Variants in EPB41L4A observed in about 807,000 individuals in gnomAD.
EPB41L4A encodes band 4.1-like protein 4A.
A neutral mutation model predicts 108.6 loss-of-function variants in EPB41L4A; 100 were observed. The ratio of observed to expected loss-of-function variants is 0.92; its 90% CI spans 0.78 to 1.09. The LOEUF is 1.09. EPB41L4A is among the 50% of genes least tolerant of loss of function. EPB41L4A has a pLI of 0.00. For synonymous variants in EPB41L4A, 319 were observed against 289.0 expected, an observed-to-expected ratio of 1.10 and a Z score of -1.05; for missense variants, 1,030 against 842.7, an observed-to-expected ratio of 1.22 and a Z score of -2.75.
intron 1 of EPB41L4A, among the ~76,000 whole-genome samples, chr5:112,395,869 G>A (rs1353990788): frequency 6.6e-6 from 1 of 152,146 alleles, no homozygotes; most frequent in African/African-American, 2.4e-5. Flanking sequence ...TGATAGACTG[G>A]ATTAAGAAAA....
chr5:112,314,839 T>C (rs551007798), intron 1 of EPB41L4A, among the ~76,000 whole-genome samples: 1 of 152,136 alleles, frequency 6.6e-6, no homozygotes, highest in South Asian at 2.1e-4. Flanking sequence ...GCCATTCCAG[T>C]TTTCTTCTGA....
At chr5:112,142,669 T>C (rs553817902) in exon 14 of EPB41L4A, 1 of 152,324 alleles carries the variant, frequency 6.6e-6, no homozygotes, top group Admixed American at 6.5e-5. Flanking sequence ...GAAAGAAGTG[T>C]TGAAAGAGAA....
intron 1 of EPB41L4A, among the ~76,000 whole-genome samples, chr5:112,367,137 G>A (rs1759170670): frequency 6.6e-6 from 1 of 152,174 alleles, no homozygotes; most frequent in South Asian, 2.1e-4. Flanking sequence ...GAACTAGAGA[G>A]AGGCTCCTCT....
At chr5:112,382,757 G>C (rs114263934) in intron 1 of EPB41L4A, among the ~76,000 whole-genome samples, 1 of 152,114 alleles carries the variant, frequency 6.6e-6, no homozygotes, top group Non-Finnish European at 1.5e-5. Context: ...ACAGTATATA[G>C]GTAGCAGGTG....
intron 1 of EPB41L4A, among the ~76,000 whole-genome samples, 154 bp from the exon 2 acceptor site, chr5:112,307,644 G>GA (rs1293327691): frequency 6.6e-6 from 1 of 151,902 alleles, no homozygotes; most frequent in Non-Finnish European, 1.5e-5. Context: ...CAATTATGAA[G>GA]AAAAAAACGT....
At chr5:112,153,579 A>C (rs1759548617) in intron 12 of EPB41L4A, among the ~76,000 whole-genome samples, 1 of 145,150 alleles carries the variant, frequency 6.9e-6, no homozygotes, top group Non-Finnish European at 1.5e-5. Context: ...ATATATATAG[A>C]GAGAGAGAGA....
upstream of EPB41L4A, chr5:112,419,392 G>A (rs890162182): frequency 2.8e-6 from 1 of 357,374 alleles, no homozygotes. Flanking sequence ...CCTGGCACTG[G>A]GGGCAAGAGA....
chr5:112,294,332 A>G (rs1753855260), intron 2 of EPB41L4A, among the ~76,000 whole-genome samples: 1 of 152,240 alleles, frequency 6.6e-6, no homozygotes, highest in Non-Finnish European at 1.5e-5. Context: ...CTCGCCTCCC[A>G]GTGAGCGGCC....
At chr5:112,207,924 A>G (rs1404440415) in intron 13 of EPB41L4A, among the ~76,000 whole-genome samples, 1 of 152,200 alleles carries the variant, frequency 6.6e-6, no homozygotes. Context: ...TACTGGATAT[A>G]TACTCAAAGG....
chr5:112,179,417 GA>G (rs1426947388), intron 18 of EPB41L4A, among the ~76,000 whole-genome samples: 1 of 151,806 alleles, frequency 6.6e-6, no homozygotes. Context: ...CAAAAACAAA[GA>G]AAAAAATCTT....
chr5:112,279,173 G>T (rs1314757341), intron 3 of EPB41L4A, among the ~76,000 whole-genome samples: 1 of 151,784 alleles, frequency 6.6e-6, no homozygotes, highest in East Asian at 1.9e-4. Flanking sequence ...AACTCCAGTG[G>T]TTTCCACTAC....
At chr5:112,310,520 G>A (rs1314426818) in intron 1 of EPB41L4A, among the ~76,000 whole-genome samples, 8 of 152,146 alleles carry the variant, frequency 5.3e-5, no homozygotes, top group East Asian at 1.9e-4. Flanking sequence ...TGTATGGCCC[G>A]AACGCATATC....
At chr5:112,383,264 A>G (rs1445767387) in intron 1 of EPB41L4A, among the ~76,000 whole-genome samples, 1 of 152,254 alleles carries the variant, frequency 6.6e-6, no homozygotes, top group Non-Finnish European at 1.5e-5. Flanking sequence ...AGCAAAATAG[A>G]GAAATACAAG....
chr5:112,142,009 C>T (rs775026893), downstream of EPB41L4A, among the ~76,000 whole-genome samples: 6 of 152,028 alleles, frequency 3.9e-5, no homozygotes, highest in Non-Finnish European at 8.8e-5. Context: ...GGATTTGAGC[C>T]GAATTATTTT....
At chr5:112,267,492 T>G (rs1008691045) in intron 4 of EPB41L4A, among the ~76,000 whole-genome samples, 1 of 152,178 alleles carries the variant, frequency 6.6e-6, no homozygotes, top group Non-Finnish European at 1.5e-5. Flanking sequence ...CAATGTCCCA[T>G]GTTTCCCCAC....
intron 22 of EPB41L4A, among the ~76,000 whole-genome samples, chr5:112,168,236 G>A (rs1760369676): frequency 6.6e-6 from 1 of 152,182 alleles, no homozygotes. Context: ...AAGTGATTTT[G>A]TTAAGGCAGC....
intron 2 of EPB41L4A, among the ~76,000 whole-genome samples, chr5:112,294,834 G>C (rs1753890207): frequency 6.6e-6 from 1 of 152,162 alleles, no homozygotes; most frequent in African/African-American, 2.4e-5. Flanking sequence ...TATCTTAAAG[G>C]ACTTTGTAAA....
chr5:112,354,549 T>A (rs1758254026), intron 1 of EPB41L4A, among the ~76,000 whole-genome samples: 1 of 152,168 alleles, frequency 6.6e-6, no homozygotes, highest in Non-Finnish European at 1.5e-5. Context: ...GGAGGAATCA[T>A]TACTTCAGTT....
intron 1 of EPB41L4A, among the ~76,000 whole-genome samples, chr5:112,349,544 G>C (rs1757903890): frequency 6.6e-6 from 1 of 152,166 alleles, no homozygotes; most frequent in Admixed American, 6.5e-5. Flanking sequence ...ATGAGTGAGA[G>C]TACTGCCATG....
Sources: allele counts gnomAD v4.1 joint callset (sites outside exome capture counted in the v4.1 genomes callset), GRCh38; gene constraint gnomAD v4.1.1; transcripts MANE v1.5; gene names NCBI Gene and HGNC (gene_info 2026-07-23, HGNC 2026-07-21).